Variants in DAG1 observed in about 807,000 individuals in gnomAD.
DAG1 encodes dystroglycan 1.
DAG1 carries 8 observed loss-of-function variants against 46.1 expected under a neutral mutation model. The ratio of observed to expected loss-of-function variants is 0.17; its 90% CI spans 0.10 to 0.31. The LOEUF is 0.31. Ranked by LOEUF, DAG1 falls within the 10% of genes least tolerant of loss-of-function variation. The pLI is 1.00. For missense variants in DAG1, 1,003 were observed against 1,189.9 expected (o/e 0.84, Z 2.31); for synonymous variants, 495 against 481.8 (o/e 1.03, Z -0.36).
intron 1 of DAG1, among the ~76,000 whole-genome samples, chr3:49,503,071 C>T (rs1246536599): frequency 6.6e-6 from 1 of 152,000 alleles, no homozygotes; most frequent in African/African-American, 2.4e-5. Flanking sequence ...TTTAACTTTC[C>T]AGTGTTGCAG....
At chr3:49,507,984 T>G (rs867704813) in intron 1 of DAG1, among the ~76,000 whole-genome samples, 6 of 152,116 alleles carry the variant, frequency 3.9e-5, no homozygotes, top group Non-Finnish European at 5.9e-5. Flanking sequence ...TTTCTTTTGA[T>G]GTCTGCAATA....
intron 1 of DAG1, among the ~76,000 whole-genome samples, chr3:49,478,142 C>T (rs1308139767): frequency 2.6e-5 from 4 of 151,554 alleles, no homozygotes; most frequent in Non-Finnish European, 5.9e-5. Context: ...TGGTGTGCGC[C>T]TGTAATCCCA....
intron 2 of DAG1, among the ~76,000 whole-genome samples, chr3:49,512,026 T>C (rs553127766): frequency 6.6e-6 from 1 of 152,158 alleles, no homozygotes; most frequent in Non-Finnish European, 1.5e-5. Flanking sequence ...AAGAAAGAAA[T>C]ATTCTTTTAC....
chr3:49,477,205 C>T (rs1018492717), intron 1 of DAG1, among the ~76,000 whole-genome samples: 1 of 152,018 alleles, frequency 6.6e-6, no homozygotes. Flanking sequence ...CCATGTTGGT[C>T]GGGCTGGTCT....
intron 1 of DAG1, among the ~76,000 whole-genome samples, chr3:49,500,563 A>G (rs1230812423): frequency 1.3e-5 from 2 of 152,112 alleles, no homozygotes; most frequent in African/African-American, 2.4e-5. Flanking sequence ...CATTCCCACT[A>G]CTCGAAAAAG....
chr3:49,473,006 A>T (rs1335402666), intron 1 of DAG1, among the ~76,000 whole-genome samples: 1 of 151,908 alleles, frequency 6.6e-6, no homozygotes, highest in Non-Finnish European at 1.5e-5. Flanking sequence ...CTTTAATCGC[A>T]GCTACTCGGG....
At position 49,510,725 on chromosome 3, in the gene DAG1, T is replaced by G; in HGVS notation, c.191T>G (p.Val64Gly). The G allele has an allele frequency of 6.2e-7, 1 of 1,614,168 alleles. No individual in the cohort carries two copies. Among genetic ancestry groups the G allele is most frequent in the East Asian group, 2.2e-5 (1 of 44,888 alleles). Residue 64 changes from valine to glycine, a missense_variant, in exon 2 of 3, where the codon GTG (valine) becomes GGG (glycine). Physicochemically the swap from Val to Gly is moderately radical, Grantham distance 109. Around this residue, in one of 3 missense-constraint regions of DAG1, gnomAD observed 196 missense variants for 239.1 expected, o/e 0.82. Transcript: ENST00000308775. ...GACCTCCACGAGGCTGTTCCCACAG[T>G]GGTTGGCATTCCTGATGGCACGGCT... ...LSDLHEAVPT[V>G]VGIPDGTAVV... is the part of the protein sequence containing the mutation.
chr3:49,493,343 CTGCTTTTCATTTTTAA>C (rs2050236695), intron 1 of DAG1, among the ~76,000 whole-genome samples: 3 of 152,078 alleles, frequency 2.0e-5, no homozygotes. Context: ...TGTGCCTTGC[CTGCTTTTCATTTTTAA>C]TCCTTGGGTT....
rs1559582428 is a variant in DAG1 at position 49,533,203 on chromosome 3, G to A, written c.*4G>A. 10 of 1,611,234 alleles carry A rather than the reference G, an allele frequency of 6.2e-6. No homozygotes were observed. The highest frequency in any genetic ancestry group is 8.5e-6 in the Non-Finnish European group (10 of 1,179,928). ...TCCTCCCTATGTCCCACCTTAACCCGCAAGCGCCTGGGTGGAGGCAGGGTA... is the reference window on the plus strand; with the variant it reads ...TCCTCCCTATGTCCCACCTTAACCCACAAGCGCCTGGGTGGAGGCAGGGTA... On this transcript the variant is annotated 3_prime_UTR_variant, in exon 3 of 3. Coordinates refer to ENST00000308775, the MANE Select transcript of DAG1 (RefSeq NM_004393.6).
intron 2 of DAG1, among the ~76,000 whole-genome samples, chr3:49,525,725 AT>A (rs1430068615): frequency 6.6e-6 from 1 of 150,394 alleles, no homozygotes; most frequent in Non-Finnish European, 1.5e-5. Flanking sequence ...CGCCCCGCTA[AT>A]TTTTTTTATT....
At chr3:49,492,735 T>G (rs938909230) in intron 1 of DAG1, 2 of 152,186 alleles carry the variant, frequency 1.3e-5, no homozygotes, top group Non-Finnish European at 2.9e-5. Context: ...TTTTAAGTAC[T>G]GGATGGGGAG....
chr3:49,530,853 C>A lies in DAG1; in HGVS notation c.342C>A (p.Ser114Arg). ...CTTGGCTGCACTGGGACTCACAGAG[C>A]CACACCCTGGAGGGCCTCCCCCTTG... ...LPSWLHWDSQ[S>R]HTLEGLPLDT... is the part of the protein sequence containing the mutation. The change falls in exon 3 of 3, where the codon AGC becomes AGA. Residue 114 changes from serine (S) to arginine (R), a missense_variant. Ser to Arg is a moderately radical substitution (Grantham distance 110). Around this residue, in one of 3 missense-constraint regions of DAG1, gnomAD observed 196 missense variants for 239.1 expected, o/e 0.82. Transcript: ENST00000308775. 2.5e-6 allele frequency: 4 copies of A among 1,614,162 alleles called. No individual in the cohort carries two copies. Among genetic ancestry groups the A allele is most frequent in the Non-Finnish European group, 3.4e-6 (4 of 1,180,024 alleles).
intron 1 of DAG1, among the ~76,000 whole-genome samples, chr3:49,485,400 A>G (rs2049998161): frequency 6.6e-6 from 1 of 152,184 alleles, no homozygotes; most frequent in African/African-American, 2.4e-5. Flanking sequence ...ATGACCCTGA[A>G]ACCGTGGCCT....
chr3:49,493,877 A>G (rs565983737), intron 1 of DAG1, among the ~76,000 whole-genome samples: 2 of 152,354 alleles, frequency 1.3e-5, no homozygotes, highest in African/African-American at 4.8e-5. Context: ...CACTGGTCAT[A>G]GAATGGCTGT....
At chr3:49,515,274 T>TC (rs199767118) in intron 2 of DAG1, among the ~76,000 whole-genome samples, 10 of 150,424 alleles carry the variant, frequency 6.6e-5, no homozygotes, top group African/African-American at 2.4e-4. Context: ...CGGGCCTATT[T>TC]TTTTTTTTTT....
At chr3:49,471,571 C>T (rs2049519353) in intron 1 of DAG1, among the ~76,000 whole-genome samples, 1 of 152,102 alleles carries the variant, frequency 6.6e-6, no homozygotes. Flanking sequence ...AAGAAGAGCT[C>T]ATGGCCTGTG....
intron 1 of DAG1, chr3:49,470,635 C>T (rs1195312932): frequency 6.6e-6 from 1 of 152,210 alleles, no homozygotes; most frequent in Non-Finnish European, 1.5e-5. Flanking sequence ...CAGGCAAAGG[C>T]TCGGAGCGTT....
intron 1 of DAG1, among the ~76,000 whole-genome samples, chr3:49,481,962 A>G (rs927038030): frequency 4.6e-5 from 7 of 152,198 alleles, no homozygotes; most frequent in Non-Finnish European, 7.3e-5. Context: ...CGTATGAAAC[A>G]TGAATAAACT....
At chr3:49,469,573 A>T (rs1422316947), upstream of DAG1, among the ~76,000 whole-genome samples, 1 of 152,102 alleles carries the variant, frequency 6.6e-6, no homozygotes, top group Non-Finnish European at 1.5e-5. Flanking sequence ...GTCGGATTCC[A>T]GTGTTCCAGG....
Sources: gnomAD v4.1 joint callset for allele counts (sites outside exome capture counted in the v4.1 genomes callset) on GRCh38, gnomAD v4.1.1 for gene constraint, gnomAD v4.1.1 regional missense constraint, MANE v1.5 for transcripts, NCBI Gene and HGNC (gene_info 2026-07-23, HGNC 2026-07-21) for gene names.